The following METRNL variants were observed in gnomAD, a reference collection of about 807,000 sequenced individuals.
METRNL encodes the protein meteorin like, glial cell differentiation regulator.
A neutral mutation model predicts 17.4 loss-of-function variants in METRNL; 9 were observed. The observed-to-expected ratio is 0.52, with a 90% CI of 0.31 to 0.90. METRNL has a LOEUF of 0.90. Ranked by LOEUF, METRNL falls within the 40% of genes least tolerant of loss-of-function variation. The pLI is 0.05. For synonymous variants in METRNL, 215 were observed against 199.3 expected (o/e 1.08, Z -0.66); for missense variants, 408 against 430.7 (o/e 0.95, Z 0.47).
At chr17:83,085,768 G>C (rs1469451314) in intron 2 of METRNL, among the ~76,000 whole-genome samples, 1 of 152,246 alleles carries the variant, frequency 6.6e-6, no homozygotes, top group Non-Finnish European at 1.5e-5. Flanking sequence ...CCCCATGCTT[G>C]TGGATCGTGT....
intron 3 of METRNL, among the ~76,000 whole-genome samples, chr17:83,094,037 G>A (rs2038171766): frequency 6.6e-6 from 1 of 152,214 alleles, no homozygotes; most frequent in Admixed American, 6.5e-5. Flanking sequence ...GGTAGAAAGG[G>A]CACCTGTTCT....
chr17:83,091,085 C>A (rs148650224), intron 2 of METRNL, among the ~76,000 whole-genome samples: 6,108 of 152,208 alleles, frequency 0.04, 295 homozygotes, highest in African/African-American at 0.12. Flanking sequence ...AGTCTGTACA[C>A]ATCAGCAGGA....
At chr17:83,083,990 G>A (rs1266567878) in intron 1 of METRNL, 1 of 152,152 alleles carries the variant, frequency 6.6e-6, no homozygotes, top group East Asian at 1.9e-4. Context: ...GAAGCGTGAG[G>A]GTTTTGATGT....
chr17:83,087,667 G>T (rs1212618655), intron 2 of METRNL, among the ~76,000 whole-genome samples: 1 of 152,188 alleles, frequency 6.6e-6, no homozygotes, highest in African/African-American at 2.4e-5. Context: ...GGCCAGGCCG[G>T]CTCCCCAGCA....
intron 1 of METRNL, chr17:83,082,058 G>A (rs2037996092): frequency 1.0e-6 from 1 of 985,156 alleles, no homozygotes; most frequent in Non-Finnish European, 1.2e-6. Context: ...GTTGCTGGGT[G>A]TTTCTTCTAA....
chr17:83,093,278 A>G (rs755166728), intron 3 of METRNL, 52 bp downstream of exon 3: 46 of 1,499,302 alleles, frequency 3.1e-5, no homozygotes, highest in Non-Finnish European at 3.9e-5. Flanking sequence ...TTTCTGCCAC[A>G]TGGAGCTGTT....
intron 2 of METRNL, among the ~76,000 whole-genome samples, chr17:83,087,086 C>G (rs564772846): frequency 2.0e-5 from 3 of 152,200 alleles, no homozygotes; most frequent in Admixed American, 1.3e-4. Flanking sequence ...AGCAGGCATT[C>G]GGCGGTGGGT....
rs140519611 is a variant in METRNL at position 83,082,658 on chromosome 17, C to T, written c.171-2280C>T. Among the ~76,000 whole-genome samples the T allele has an allele frequency of 3.2e-3, 493 of 152,334 alleles. 3 individuals are homozygous for T. The highest frequency in any genetic ancestry group is 0.011 in the African/African-American group (472 of 41,568). On this transcript the variant is annotated intron_variant, in intron 1 of 3. Transcript: ENST00000320095. The stretch of plus-strand genomic sequence containing the variant: ...CCATTAAAGATAGGTCACATTTTTG[C>T]AATGCCAGCAATTTTGCATAAACAG...
intron 2 of METRNL, among the ~76,000 whole-genome samples, chr17:83,086,762 G>C (rs776281072): frequency 6.6e-6 from 1 of 152,176 alleles, no homozygotes; most frequent in East Asian, 1.9e-4. Context: ...GGTGTAGTCC[G>C]TCCCTGCCAC....
chr17:83,082,149 A>G (rs2037997408), intron 1 of METRNL: 3 of 985,460 alleles, frequency 3.0e-6, no homozygotes, highest in Non-Finnish European at 3.6e-6. Flanking sequence ...GCCAGTGCTC[A>G]TAAATGTGGA....
At chr17:83,092,049 G>C (rs867728059) in intron 2 of METRNL, among the ~76,000 whole-genome samples, 10 of 152,230 alleles carry the variant, frequency 6.6e-5, no homozygotes, top group African/African-American at 2.4e-4. Flanking sequence ...AGGTTGTTGG[G>C]AAAGCCTGGT....
chr17:83,093,426 TGGAG>T (rs2038164596), intron 3 of METRNL, among the ~76,000 whole-genome samples, 200 bp downstream of exon 3: 1 of 152,128 alleles, frequency 6.6e-6, no homozygotes, highest in Non-Finnish European at 1.5e-5. Context: ...CGCCCACACT[TGGAG>T]GGAGCTGGGG....
At chr17:83,084,560 C>G (rs938127268) in intron 1 of METRNL, 8 of 235,534 alleles carry the variant, frequency 3.4e-5, no homozygotes, top group African/African-American at 1.9e-4. Flanking sequence ...GCACCTCCAG[C>G]CACCCTGATT....
At chr17:83,084,773 C>A in intron 1 of METRNL, 165 bp from the exon 2 acceptor site, 1 of 822,822 alleles carries the variant, frequency 1.2e-6, no homozygotes, top group Non-Finnish European at 1.9e-6. Context: ...ATGGCGCCGG[C>A]CTGCCTCACG....
intron 1 of METRNL, chr17:83,084,078 T>G (rs939839683): frequency 6.6e-6 from 1 of 152,210 alleles, no homozygotes; most frequent in African/African-American, 2.4e-5. Context: ...TTTTTTTCTG[T>G]TTAGCATGTA....
At chr17:83,082,923 G>A (rs1347191530) in intron 1 of METRNL, among the ~76,000 whole-genome samples, 1 of 152,244 alleles carries the variant, frequency 6.6e-6, no homozygotes, top group African/African-American at 2.4e-5. Flanking sequence ...GAGTCCCGTT[G>A]GTCTGGATGT....
At chr17:83,087,598 T>C (rs543786060) in intron 2 of METRNL, among the ~76,000 whole-genome samples, 87 of 152,254 alleles carry the variant, frequency 5.7e-4, no homozygotes, top group African/African-American at 1.8e-3. Flanking sequence ...GCTGCAGGAA[T>C]GGGTACATAA....
intron 1 of METRNL, among the ~76,000 whole-genome samples, chr17:83,081,525 G>T (rs1022566362): frequency 2.0e-5 from 3 of 152,208 alleles, no homozygotes; most frequent in Non-Finnish European, 4.4e-5. Flanking sequence ...ACCTCCAGGG[G>T]CGGGCGGCTC....
chr17:83,085,555 G>A lies in METRNL; in HGVS notation c.556+232G>A, dbSNP rs569279842. Among the ~76,000 whole-genome samples, 7 of 152,258 alleles carry A rather than the reference G, an allele frequency of 4.6e-5. No homozygotes were observed. The East Asian group carries it at 1.4e-3, about 29-fold the overall frequency. On this transcript the variant is annotated intron_variant, in intron 2 of 3. Transcript: ENST00000320095. The stretch of plus-strand genomic sequence containing the variant: ...TCCTAGGGGGTGTGACATGGTGTAG[G>A]GGGGTGTGGGATGTCTAAACTAAAC...
Sources: gnomAD v4.1 joint callset for allele counts (sites outside exome capture counted in the v4.1 genomes callset) on GRCh38, gnomAD v4.1.1 for gene constraint, MANE v1.5 for transcripts, NCBI Gene and HGNC (gene_info 2026-07-23, HGNC 2026-07-21) for gene names.